ADAMTS12: variants seen among roughly 807,000 people sequenced by gnomAD.
ADAMTS12 encodes A disintegrin and metalloproteinase with thrombospondin motifs 12.
In ADAMTS12, 118 loss-of-function variants were observed where a neutral mutation model predicts 167.8. The observed-to-expected ratio is 0.70, with a 90% CI of 0.61 to 0.82. The LOEUF (loss-of-function observed/expected upper bound fraction) is 0.82. ADAMTS12 is among the 40% of genes least tolerant of loss of function. The pLI is 0.00. For missense variants in ADAMTS12, 1,916 were observed against 1,998.8 expected (o/e 0.96, Z 0.79); for synonymous variants, 704 against 716.9 (o/e 0.98, Z 0.29).
chr5:33,649,734 G>A (rs1448637088), intron 7 of ADAMTS12, 37 bp from the exon 8 acceptor site: 2 of 1,608,714 alleles, frequency 1.2e-6, no homozygotes, highest in African/African-American at 1.3e-5. Flanking sequence ...AGAGCCAGCA[G>A]GCAGGCATTA....
At chr5:33,789,555 C>A (rs76611983) in intron 2 of ADAMTS12, among the ~76,000 whole-genome samples, 1,691 of 152,284 alleles carry the variant, frequency 0.011, 27 homozygotes, top group African/African-American at 0.039. Context: ...AAGCTAATAA[C>A]CCTGCCCAAG....
intron 2 of ADAMTS12, among the ~76,000 whole-genome samples, chr5:33,796,603 T>C (rs887328595): frequency 6.6e-6 from 1 of 152,154 alleles, no homozygotes; most frequent in Non-Finnish European, 1.5e-5. Context: ...ATGTCTAGTT[T>C]TTGCCAATGA....
chr5:33,579,731 C>A (rs963706637), intron 18 of ADAMTS12, among the ~76,000 whole-genome samples: 2 of 152,210 alleles, frequency 1.3e-5, no homozygotes, highest in Admixed American at 1.3e-4. Flanking sequence ...GCAGCACCTA[C>A]CTTTGCAGGC....
chr5:33,649,564 G>T lies in ADAMTS12; in HGVS notation c.1324C>A (p.Arg442Ser). Residue 442 changes from arginine to serine, a missense_variant, in exon 8 of 24, where the codon CGC becomes AGC. By Grantham distance (110) the Arg-to-Ser change is moderately radical (BLOSUM62 -1). Coordinates refer to ENST00000504830, the MANE Select transcript of ADAMTS12 (RefSeq NM_030955.4). ...GACACTGTCACTTACTCCAAGAAGC[G>T]GGTGATGTACTCCTCGCTGCACTTG... Reference protein sequence around the residue: ...WSKCSEEYITRFLDRGWGFCL... With the variant: ...WSKCSEEYITSFLDRGWGFCL... 1 of 1,613,614 alleles carries T rather than the reference G, an allele frequency of 6.2e-7. No homozygotes were observed. Among genetic ancestry groups the T allele is most frequent in the East Asian group, 2.2e-5 (1 of 44,834 alleles).
chr5:33,718,298 G>A (rs1743682969), intron 3 of ADAMTS12, among the ~76,000 whole-genome samples: 1 of 152,138 alleles, frequency 6.6e-6, no homozygotes, highest in Admixed American at 6.5e-5. Context: ...CTGTAAAGCA[G>A]GGGCCCCAAC....
At chr5:33,790,811 G>T in intron 2 of ADAMTS12, among the ~76,000 whole-genome samples, 2 of 121,796 alleles carry the variant, frequency 1.6e-5, no homozygotes, top group East Asian at 2.6e-4. Flanking sequence ...ATATATATAT[G>T]CATGTTGATA....
chr5:33,737,485 C>G (rs1744414638), intron 3 of ADAMTS12, among the ~76,000 whole-genome samples: 2 of 152,118 alleles, frequency 1.3e-5, no homozygotes, highest in South Asian at 4.1e-4. Context: ...AAAAAGAATT[C>G]TGGAGATTGG....
At chr5:33,783,743 A>G (rs913213263) in intron 2 of ADAMTS12, among the ~76,000 whole-genome samples, 1 of 151,932 alleles carries the variant, frequency 6.6e-6, no homozygotes, top group African/African-American at 2.4e-5. Context: ...AGAAAAACCC[A>G]GGTTCAGTGG....
chr5:33,718,637 T>C (rs1743696631), intron 3 of ADAMTS12, among the ~76,000 whole-genome samples: 1 of 152,074 alleles, frequency 6.6e-6, no homozygotes, highest in Non-Finnish European at 1.5e-5. Context: ...ACTGCTGCTG[T>C]AAAGAATAGA....
At chr5:33,632,483 G>A (rs1739991938) in intron 12 of ADAMTS12, among the ~76,000 whole-genome samples, 1 of 152,150 alleles carries the variant, frequency 6.6e-6, no homozygotes, top group South Asian at 2.1e-4. Context: ...CATATAAGGT[G>A]CAGTGGATAA....
At chr5:33,620,838 A>C (rs1439560689) in intron 14 of ADAMTS12, among the ~76,000 whole-genome samples, 1 of 152,196 alleles carries the variant, frequency 6.6e-6, no homozygotes, top group African/African-American at 2.4e-5. Flanking sequence ...AAAATCTCCA[A>C]AACATTTTTC....
intron 2 of ADAMTS12, among the ~76,000 whole-genome samples, chr5:33,852,761 A>T (rs1340198015): frequency 1.3e-5 from 2 of 152,240 alleles, no homozygotes; most frequent in East Asian, 3.8e-4. Flanking sequence ...CCATTGGGAA[A>T]AAAGCTAAGA....
chr5:33,795,786 G>A (rs566553484), intron 2 of ADAMTS12, among the ~76,000 whole-genome samples: 2 of 152,258 alleles, frequency 1.3e-5, no homozygotes, highest in African/African-American at 4.8e-5. Flanking sequence ...AAGCTGAAGG[G>A]AATGAAGGAA....
intron 19 of ADAMTS12, among the ~76,000 whole-genome samples, chr5:33,572,456 A>G (rs2111942744): frequency 6.6e-6 from 1 of 151,840 alleles, no homozygotes; most frequent in South Asian, 2.1e-4. Flanking sequence ...ACGCAAATCA[A>G]TAAATGTAAT....
chr5:33,646,506 T>C (rs1347829895), intron 9 of ADAMTS12, among the ~76,000 whole-genome samples: 1 of 152,186 alleles, frequency 6.6e-6, no homozygotes, highest in East Asian at 1.9e-4. Flanking sequence ...GAAGGAGTGG[T>C]CAAATGTTAC....
intron 18 of ADAMTS12, among the ~76,000 whole-genome samples, chr5:33,585,648 G>A (rs1579706987): frequency 6.6e-6 from 1 of 152,322 alleles, no homozygotes; most frequent in East Asian, 1.9e-4. Context: ...CCTGGTCTCT[G>A]TTTACAATAG....
intron 2 of ADAMTS12, among the ~76,000 whole-genome samples, chr5:33,824,150 C>T (rs1488884771): frequency 6.6e-6 from 1 of 152,182 alleles, no homozygotes; most frequent in East Asian, 1.9e-4. Flanking sequence ...ATAACAAGCA[C>T]TAAGATATCC....
At chr5:33,755,102 A>T (rs1182262753) in intron 2 of ADAMTS12, among the ~76,000 whole-genome samples, 1 of 152,206 alleles carries the variant, frequency 6.6e-6, no homozygotes, top group Non-Finnish European at 1.5e-5. Flanking sequence ...CAAGGGTAAC[A>T]ATGATCCTGA....
At chr5:33,625,400 G>A (rs56269324) in intron 13 of ADAMTS12, among the ~76,000 whole-genome samples, 22,138 of 152,022 alleles carry the variant, frequency 0.15, 1,940 homozygotes, top group African/African-American at 0.24. Flanking sequence ...TAAAATGCCA[G>A]CCCTTCACAA....
Sources: gnomAD v4.1 joint callset for allele counts (sites outside exome capture counted in the v4.1 genomes callset) on GRCh38, gnomAD v4.1.1 for gene constraint, MANE v1.5 for transcripts, NCBI Gene and HGNC (gene_info 2026-07-23, HGNC 2026-07-21) for gene names.